Variants in PDE10A observed in about 807,000 individuals in gnomAD.
PDE10A encodes the protein cAMP and cAMP-inhibited cGMP 3',5'-cyclic phosphodiesterase 10A.
A neutral mutation model predicts 97.7 loss-of-function variants in PDE10A; 39 were observed. The ratio of observed to expected loss-of-function variants is 0.40; its 90% CI spans 0.31 to 0.52. The LOEUF (loss-of-function observed/expected upper bound fraction) is 0.52, where lower values mean the gene tolerates loss of function less well. Among genes scored for constraint, PDE10A ranks in the 20% least tolerant of loss-of-function variants. The probability of loss-of-function intolerance (pLI) is 0.56; values close to 1 mark genes in which losing one functional copy is unlikely to be tolerated. For missense variants in PDE10A, 731 were observed against 1,047.8 expected, an observed-to-expected ratio of 0.70 and a Z score of 4.17; for synonymous variants, 371 against 376.8, an observed-to-expected ratio of 0.98 and a Z score of 0.18.
chr6:165,334,500 T>A (rs546806048), intron 21 of PDE10A, among the ~76,000 whole-genome samples: 1 of 152,378 alleles, frequency 6.6e-6, no homozygotes, highest in South Asian at 2.1e-4. Context: ...CAGTCAGCAC[T>A]CATGACCTGG....
At chr6:165,707,428 T>C (rs1435677635) in intron 1 of PDE10A, among the ~76,000 whole-genome samples, 1 of 152,212 alleles carries the variant, frequency 6.6e-6, no homozygotes, top group African/African-American at 2.4e-5. Flanking sequence ...TCTCTATCCC[T>C]CAGAGGCCTC....
chr6:165,512,111 T>C (rs1781540646), intron 2 of PDE10A, among the ~76,000 whole-genome samples: 1 of 151,968 alleles, frequency 6.6e-6, no homozygotes, highest in Non-Finnish European at 1.5e-5. Flanking sequence ...TTTTCTCTTA[T>C]TGTTTGTCAT....
chr6:165,622,258 A>G (rs1788174986), intron 1 of PDE10A, among the ~76,000 whole-genome samples: 1 of 149,064 alleles, frequency 6.7e-6, no homozygotes, highest in Non-Finnish European at 1.5e-5. Context: ...CTGTCTCTGT[A>G]TATGTGTGTT....
At position 165,422,390 on chromosome 6, in the gene PDE10A, C is replaced by T. The variant is rs530929913; in HGVS notation, c.1654-3613G>A. Among the ~76,000 whole-genome samples the T allele has an allele frequency of 5.6e-4, 80 of 142,920 alleles. 4 individuals are homozygous for T. Among genetic ancestry groups the T allele is most frequent in the African/African-American group, 2.0e-3 (71 of 35,238 alleles). 93.8% of individuals were successfully genotyped at this position (142,920 alleles called of 152,430 possible). A position where few individuals can be genotyped will look rare whatever the true frequency, so the allele number is the denominator to read the frequency against. ...ATATACACACACAGGCATACACACACGCATACACACATACGCATACACACA... is the reference window on the plus strand; with the variant it reads ...ATATACACACACAGGCATACACACATGCATACACACATACGCATACACACA... On this transcript the variant is annotated intron_variant, in intron 10 of 21. Transcript: ENST00000539869.
At chr6:165,826,371 C>T (rs79921469) in intron 1 of PDE10A, among the ~76,000 whole-genome samples, 1 of 130,678 alleles carries the variant, frequency 7.7e-6, no homozygotes, top group Non-Finnish European at 1.8e-5. Flanking sequence ...TCTGTCCTTG[C>T]ATCCCTCTGT....
intron 1 of PDE10A, among the ~76,000 whole-genome samples, chr6:165,552,492 GA>G (rs1417590975): frequency 3.9e-5 from 6 of 152,230 alleles, no homozygotes. Flanking sequence ...CTGAGAGTCT[GA>G]AAAGTTTAGA....
intron 1 of PDE10A, among the ~76,000 whole-genome samples, chr6:165,560,991 G>A (rs1400979855): frequency 6.6e-5 from 10 of 152,122 alleles, no homozygotes; most frequent in South Asian, 2.1e-4. Context: ...AGGTTGAGGC[G>A]GGCGGATCAC....
chr6:165,928,665 G>T (rs191356813), intron 1 of PDE10A, among the ~76,000 whole-genome samples: 2 of 152,252 alleles, frequency 1.3e-5, no homozygotes, highest in East Asian at 3.9e-4. Context: ...GAAACCTGGT[G>T]GTGCCAACAT....
chr6:165,354,702 G>A (rs943861626), intron 18 of PDE10A, among the ~76,000 whole-genome samples: 12 of 152,144 alleles, frequency 7.9e-5, no homozygotes, highest in Non-Finnish European at 1.6e-4. Flanking sequence ...AAGGACAGGT[G>A]GAGGAGTCCA....
intron 5 of PDE10A, among the ~76,000 whole-genome samples, chr6:165,443,354 C>G (rs1583295023): frequency 6.6e-6 from 1 of 152,158 alleles, no homozygotes; most frequent in African/African-American, 2.4e-5. Context: ...AAATAATCTC[C>G]TTTGACTCCA....
At chr6:165,771,413 A>G (rs1025296571) in intron 1 of PDE10A, among the ~76,000 whole-genome samples, 1 of 151,996 alleles carries the variant, frequency 6.6e-6, no homozygotes, top group African/African-American at 2.4e-5. Flanking sequence ...AGACGTTTGC[A>G]TTGTTCCACT....
intron 1 of PDE10A, among the ~76,000 whole-genome samples, chr6:165,829,575 A>G (rs193074032): frequency 6.6e-6 from 1 of 152,340 alleles, no homozygotes; most frequent in East Asian, 1.9e-4. Flanking sequence ...TGGTGCCTAA[A>G]GTGCAGCATG....
intron 1 of PDE10A, among the ~76,000 whole-genome samples, chr6:165,877,174 T>G (rs1207852615): frequency 6.6e-6 from 1 of 152,182 alleles, no homozygotes; most frequent in Non-Finnish European, 1.5e-5. Flanking sequence ...TCTCAAAACT[T>G]ACACCTCATT....
At chr6:165,558,998 T>C in intron 1 of PDE10A, among the ~76,000 whole-genome samples, 1 of 148,602 alleles carries the variant, frequency 6.7e-6, no homozygotes, top group South Asian at 2.1e-4. Flanking sequence ...ACAATTCAAG[T>C]AAAAAAAAAA....
At chr6:165,597,227 T>C (rs1786652702) in intron 1 of PDE10A, among the ~76,000 whole-genome samples, 1 of 152,184 alleles carries the variant, frequency 6.6e-6, no homozygotes, top group South Asian at 2.1e-4. Context: ...TGGCACATAG[T>C]AGACACCCGA....
rs73033842 is a variant in PDE10A at position 165,446,328 on chromosome 6, G to A, written c.1194+2600C>T. On this transcript the variant is annotated intron_variant, in intron 5 of 21. Transcript: ENST00000539869. ...GGAAGAAAAATGATCCCAGATGGAC[G>A]ACTTGAGATACAAGAAGAAATGAAG... is the stretch of plus-strand genomic sequence containing the variant. Among the ~76,000 whole-genome samples the A allele has an allele frequency of 9.2e-3, 1,401 of 152,256 alleles. 21 individuals carry two copies. The highest frequency in any genetic ancestry group is 0.012 in the Non-Finnish European group (790 of 68,016).
chr6:165,897,626 G>A (rs536850360), intron 1 of PDE10A, among the ~76,000 whole-genome samples: 3 of 141,446 alleles, frequency 2.1e-5, no homozygotes, highest in African/African-American at 7.9e-5. Flanking sequence ...GACCAGACCC[G>A]CCCCCCAGCC....
At chr6:165,885,813 A>C (rs951315902) in intron 1 of PDE10A, among the ~76,000 whole-genome samples, 3 of 152,256 alleles carry the variant, frequency 2.0e-5, no homozygotes, top group Non-Finnish European at 4.4e-5. Flanking sequence ...CACATCCGGC[A>C]TATGTGTAGA....
chr6:165,457,007 C>T (rs1777992068), intron 3 of PDE10A, among the ~76,000 whole-genome samples: 1 of 152,046 alleles, frequency 6.6e-6, no homozygotes, highest in African/African-American at 2.4e-5. Context: ...TGGTTGTTAG[C>T]CTTCTGGTCA....
Sources: gnomAD v4.1 joint callset for allele counts (sites outside exome capture counted in the v4.1 genomes callset) on GRCh38, gnomAD v4.1.1 for gene constraint, MANE v1.5 for transcripts, NCBI Gene and HGNC (gene_info 2026-07-23, HGNC 2026-07-21) for gene names.